The following SLC2A9 variants were observed in gnomAD, a reference collection of about 807,000 sequenced individuals.
SLC2A9 encodes the protein solute carrier family 2, facilitated glucose transporter member 9.
Under a neutral mutation model 50.6 loss-of-function variants are expected in SLC2A9, and 39 were observed. The observed-to-expected ratio is 0.77, with a 90% confidence interval of 0.60 to 1.01. The LOEUF (loss-of-function observed/expected upper bound fraction) is 1.01, where lower values mean the gene tolerates loss of function less well. Ranked by LOEUF, SLC2A9 falls within the 50% of genes least tolerant of loss-of-function variation. SLC2A9 has a pLI of 0.00. For missense variants in SLC2A9, 686 were observed against 677.6 expected, an observed-to-expected ratio of 1.01 and a Z score of -0.14; for synonymous variants, 324 against 276.9, an observed-to-expected ratio of 1.17 and a Z score of -1.69.
chr4:9,778,049 TTTCTTTCCTTCC>T (rs530915271), downstream of SLC2A9, among the ~76,000 whole-genome samples: 49,028 of 122,588 alleles, frequency 0.4, 10,916 homozygotes, highest in Non-Finnish European at 0.5. Context: ...TCTTTCTTTC[TTTCTTTCCTTCC>T]TTCCTTCCTT....
At chr4:9,907,655 G>A (rs1425571162) in intron 8 of SLC2A9, among the ~76,000 whole-genome samples, 1 of 152,158 alleles carries the variant, frequency 6.6e-6, no homozygotes, top group Non-Finnish European at 1.5e-5. Flanking sequence ...TCTCTGATCC[G>A]AACTCCTGGG....
At chr4:9,812,904 G>T (rs1354424680) in intron 3 of SLC2A9, among the ~76,000 whole-genome samples, 1 of 152,138 alleles carries the variant, frequency 6.6e-6, no homozygotes, top group South Asian at 2.1e-4. Flanking sequence ...AAATTTGCCA[G>T]GGGAAGTGAT....
intron 3 of SLC2A9, among the ~76,000 whole-genome samples, chr4:9,805,682 T>G (rs1722020964): frequency 8.1e-6 from 1 of 123,736 alleles, no homozygotes. Flanking sequence ...CGCAGCAGGG[T>G]GTCAGTTTTT....
chr4:10,030,827 G>T (rs76634773), intron 1 of SLC2A9, among the ~76,000 whole-genome samples: 2 of 152,144 alleles, frequency 1.3e-5, no homozygotes, highest in Admixed American at 6.5e-5. Context: ...CCACCAGGCC[G>T]CTTTGCATGT....
intron 3 of SLC2A9, among the ~76,000 whole-genome samples, chr4:9,996,301 C>T (rs149636792): frequency 6.9e-4 from 105 of 152,344 alleles, no homozygotes; most frequent in Non-Finnish European, 8.2e-4. Flanking sequence ...TATGTACTTA[C>T]GTGGAACAAT....
rs150110848 is a variant in SLC2A9, at chr4:9,886,359, C to T, written c.1291+1208G>A. ...TGTGCTGTGTGTTCATCCTCTAATT[C>T]GCTGCCCTGCCTGGGAGGTGCTTGC... is the stretch of plus-strand genomic sequence containing the variant. On this transcript the variant is annotated intron_variant, in intron 10 of 11. Transcript: ENST00000264784. 2.6e-3 allele frequency among the ~76,000 whole-genome samples: 395 copies of T among 152,102 alleles called. 1 individual carries two copies. The highest frequency in any genetic ancestry group is 9.0e-3 in the African/African-American group (372 of 41,508).
In SLC2A9 at chr4:10,021,377, G is replaced by T; in HGVS notation, c.53C>A (p.Thr18Lys). Residue 18 changes from threonine (T) to lysine (K), a missense_variant, in exon 1 of 12, where the codon ACA (threonine) becomes AAA (lysine). Physicochemically the swap from Thr to Lys is moderately conservative, Grantham distance 78. Coordinates refer to ENST00000264784, the MANE Select transcript of SLC2A9 (RefSeq NM_020041.3). The part of the protein sequence containing the change: ...NSKELGLVPL[T>K]DDTSHAGPPG... Reference sequence around the variant, plus strand: ...AGGCCCGGCGTGGCTGGTGTCATCTGTGAGGGGAACTAGGCCCAGTTCCTT... The same window carrying T: ...AGGCCCGGCGTGGCTGGTGTCATCTTTGAGGGGAACTAGGCCCAGTTCCTT... 1 of 1,614,224 alleles carries T rather than the reference G, an allele frequency of 6.2e-7. No homozygotes were observed. Among genetic ancestry groups the T allele is most frequent in the Non-Finnish European group, 8.5e-7 (1 of 1,180,036 alleles).
intron 7 of SLC2A9, among the ~76,000 whole-genome samples, chr4:9,909,740 A>G (rs560939328): frequency 7.2e-5 from 11 of 152,338 alleles, no homozygotes; most frequent in Non-Finnish European, 1.5e-4. Context: ...TTTCTTTAAA[A>G]CCAAGAGTTT....
At chr4:9,898,159 C>T (rs963544822) in intron 8 of SLC2A9, among the ~76,000 whole-genome samples, 1 of 152,132 alleles carries the variant, frequency 6.6e-6, no homozygotes, top group Admixed American at 6.5e-5. Context: ...GTTTGTGGCA[C>T]ATTGTTTTGG....
intron 8 of SLC2A9, among the ~76,000 whole-genome samples, chr4:9,891,881 C>T (rs902079867): frequency 5.3e-5 from 8 of 152,312 alleles, no homozygotes; most frequent in South Asian, 2.1e-4. Context: ...GAAGCAGTGA[C>T]GCTGCTGAGG....
At position 9,782,492 on chromosome 4, in the gene SLC2A9, C is replaced by T; in HGVS notation, n.386-2427G>A. On this transcript the variant is annotated intron_variant and non_coding_transcript_variant, in intron 3 of 3. Transcript: ENST00000503803. Reference sequence around the variant, plus strand: ...CCGCTACAAGCGCAAGATGACTCAGCGCATGGCCTTGGTCATGGTCGGCCT... The same window carrying T: ...CCGCTACAAGCGCAAGATGACTCAGTGCATGGCCTTGGTCATGGTCGGCCT... The T allele has an allele frequency of 5.6e-6, 9 of 1,613,988 alleles. No individual in the cohort carries two copies. Among genetic ancestry groups the T allele is most frequent in the South Asian group, 1.1e-5 (1 of 91,074 alleles).
downstream of SLC2A9, among the ~76,000 whole-genome samples, chr4:9,778,409 C>T (rs1167908896): frequency 1.3e-5 from 2 of 152,092 alleles, no homozygotes; most frequent in African/African-American, 2.4e-5. Flanking sequence ...TGTGGGCCAC[C>T]GCACCCGGCC....
At chr4:10,000,107 CTCTT>C (rs34823069) in intron 2 of SLC2A9, among the ~76,000 whole-genome samples, 10,837 of 152,142 alleles carry the variant, frequency 0.071, 691 homozygotes, top group East Asian at 0.39. Flanking sequence ...TTTCTGTTTT[CTCTT>C]TCTTTCTGGA....
intron 2 of SLC2A9, among the ~76,000 whole-genome samples, chr4:10,013,047 T>C (rs1177257485): frequency 6.6e-6 from 1 of 152,138 alleles, no homozygotes; most frequent in Non-Finnish European, 1.5e-5. Context: ...GTGTAGAGAA[T>C]GAATAGAGCC....
intron 7 of SLC2A9, among the ~76,000 whole-genome samples, chr4:9,918,924 G>A (rs551683868): frequency 1.2e-4 from 19 of 152,314 alleles, no homozygotes; most frequent in South Asian, 8.3e-4. Context: ...GAGCAGCTGA[G>A]ATTTTTTTTC....
At chr4:10,031,914 C>A (rs12506122) in intron 1 of SLC2A9, among the ~76,000 whole-genome samples, 81,104 of 152,098 alleles carry the variant, frequency 0.53, 22,888 homozygotes, top group East Asian at 0.89. Context: ...TAAAAAGAAC[C>A]TTCCTGCATA....
intron 5 of SLC2A9, among the ~76,000 whole-genome samples, chr4:9,959,245 A>T (rs1751835386): frequency 6.6e-6 from 1 of 151,498 alleles, no homozygotes; most frequent in African/African-American, 2.4e-5. Flanking sequence ...TACAAAAATT[A>T]GCCAGGCGTG....
At chr4:10,007,986 A>G (rs1379147099) in intron 2 of SLC2A9, among the ~76,000 whole-genome samples, 1 of 152,222 alleles carries the variant, frequency 6.6e-6, no homozygotes, top group Non-Finnish European at 1.5e-5. Context: ...CCTATGGGTC[A>G]GAAATAGGGT....
chr4:9,993,230 ATATGT>A (rs1163593154), intron 3 of SLC2A9, among the ~76,000 whole-genome samples: 1 of 152,170 alleles, frequency 6.6e-6, no homozygotes, highest in Non-Finnish European at 1.5e-5. Flanking sequence ...ATAGTTTCTT[ATATGT>A]TTTTTCTGCT....
Sources: gnomAD v4.1 joint callset for allele counts (sites outside exome capture counted in the v4.1 genomes callset) on GRCh38, gnomAD v4.1.1 for gene constraint, MANE v1.5 for transcripts, NCBI Gene and HGNC (gene_info 2026-07-23, HGNC 2026-07-21) for gene names.